Variants in KCNAB1 observed in about 807,000 individuals in gnomAD.
KCNAB1 encodes voltage-gated potassium channel subunit beta-1.
In KCNAB1, 35 loss-of-function variants were observed where a neutral mutation model predicts 64.6. That is an observed-to-expected ratio of 0.54 (90% CI 0.41 to 0.72). KCNAB1 has a LOEUF of 0.72. Ranked by LOEUF, KCNAB1 falls within the 30% of genes least tolerant of loss-of-function variation. The pLI is 0.00. For missense variants in KCNAB1, 401 were observed against 512.9 expected (o/e 0.78, Z 2.11); for synonymous variants, 177 against 183.8 (o/e 0.96, Z 0.30).
intron 11 of KCNAB1, among the ~76,000 whole-genome samples, chr3:156,520,350 G>A (rs1302678190): frequency 6.6e-6 from 1 of 152,150 alleles, no homozygotes; most frequent in Non-Finnish European, 1.5e-5. Context: ...GGAGGTGGAG[G>A]TGGGCAGATC....
intron 7 of KCNAB1, among the ~76,000 whole-genome samples, chr3:156,469,334 G>A (rs1454205241): frequency 7.4e-6 from 1 of 135,022 alleles, no homozygotes; most frequent in Non-Finnish European, 1.5e-5. Context: ...TCGGCTCACT[G>A]CAACCTCCGC....
intron 8 of KCNAB1, among the ~76,000 whole-genome samples, chr3:156,504,362 G>A (rs1225181735): frequency 2.6e-5 from 4 of 152,104 alleles, no homozygotes; most frequent in South Asian, 2.1e-4. Flanking sequence ...GAATTGTGCC[G>A]AAATAAACAT....
At chr3:156,448,543 C>T (rs1711755638) in intron 2 of KCNAB1, among the ~76,000 whole-genome samples, 1 of 152,154 alleles carries the variant, frequency 6.6e-6, no homozygotes, top group South Asian at 2.1e-4. Context: ...GTGGACCCCA[C>T]CTACACTGGG....
At chr3:156,174,987 T>C (rs1338088626) in intron 1 of KCNAB1, among the ~76,000 whole-genome samples, 1 of 152,218 alleles carries the variant, frequency 6.6e-6, no homozygotes, top group African/African-American at 2.4e-5. Flanking sequence ...CAATATTTAT[T>C]TATTTACCTA....
chr3:156,449,447 G>C (rs1711830959), intron 2 of KCNAB1, among the ~76,000 whole-genome samples: 1 of 152,092 alleles, frequency 6.6e-6, no homozygotes, highest in South Asian at 2.1e-4. Flanking sequence ...ACTGTAAATG[G>C]TTCTTATATC....
chr3:156,225,745 A>T (rs1009252108), intron 1 of KCNAB1, among the ~76,000 whole-genome samples: 1 of 152,216 alleles, frequency 6.6e-6, no homozygotes, highest in African/African-American at 2.4e-5. Context: ...AAATTAATGC[A>T]CACAAATCAG....
intron 8 of KCNAB1, among the ~76,000 whole-genome samples, chr3:156,489,522 G>C (rs1715486243): frequency 6.6e-6 from 1 of 152,106 alleles, no homozygotes; most frequent in Non-Finnish European, 1.5e-5. Context: ...TTCTGGTGAA[G>C]TAAGAAGGGA....
At position 156,452,878 on chromosome 3, in the gene KCNAB1, C is replaced by G. The variant is rs1188043631; in HGVS notation, c.320-21C>G. Reference sequence around the variant, plus strand: ...TAGAAAAATGATGATGAATAATATGCAAATATTTATTATTTTCTAGGAACA... The same window carrying G: ...TAGAAAAATGATGATGAATAATATGGAAATATTTATTATTTTCTAGGAACA... On this transcript the variant is annotated intron_variant, in intron 2 of 13. Transcript: ENST00000490337. This position sits in a 1 kb window ranked among gnomAD's most constrained non-coding sequence, Gnocchi z 4.6. The G allele has an allele frequency of 6.4e-7, 1 of 1,551,424 alleles. No individual in the cohort carries two copies. Among genetic ancestry groups the G allele is most frequent in the Non-Finnish European group, 8.8e-7 (1 of 1,133,348 alleles).
chr3:156,322,383 A>G (rs1234691005), intron 1 of KCNAB1, among the ~76,000 whole-genome samples: 2 of 152,228 alleles, frequency 1.3e-5, no homozygotes. Flanking sequence ...CAGTTTGAAA[A>G]TATCTGGGAA....
chr3:156,364,998 T>A (rs1022567980), intron 1 of KCNAB1, among the ~76,000 whole-genome samples: 3 of 152,096 alleles, frequency 2.0e-5, no homozygotes, highest in African/African-American at 7.2e-5. Context: ...CCGTTACTAG[T>A]GAAGATGTGG....
At chr3:156,224,052 C>T (rs1715981933) in intron 1 of KCNAB1, among the ~76,000 whole-genome samples, 1 of 152,202 alleles carries the variant, frequency 6.6e-6, no homozygotes, top group African/African-American at 2.4e-5. Flanking sequence ...GGCTGCATGT[C>T]CTGAGCCCTG....
chr3:156,227,897 C>T (rs977202565), intron 1 of KCNAB1: 9 of 152,212 alleles, frequency 5.9e-5, no homozygotes, highest in African/African-American at 1.9e-4. Flanking sequence ...TCTGCCATGT[C>T]ATCAATACAA....
intron 2 of KCNAB1, among the ~76,000 whole-genome samples, chr3:156,433,807 C>T (rs1163242444): frequency 6.6e-6 from 1 of 152,174 alleles, no homozygotes; most frequent in Admixed American, 6.5e-5. Flanking sequence ...CCTGAACATT[C>T]AAGTCTGGGC....
chr3:156,409,362 A>G (rs113048337), intron 1 of KCNAB1, among the ~76,000 whole-genome samples: 8 of 152,244 alleles, frequency 5.3e-5, no homozygotes, highest in Admixed American at 4.6e-4. Flanking sequence ...ATAGGATTCT[A>G]TAGTTGCCAT....
At chr3:156,359,473 G>A (rs1199464755) in intron 1 of KCNAB1, among the ~76,000 whole-genome samples, 2 of 152,174 alleles carry the variant, frequency 1.3e-5, no homozygotes, top group African/African-American at 4.8e-5. Flanking sequence ...GAAGGCCTAT[G>A]ACTAAGCAAT....
intron 1 of KCNAB1, among the ~76,000 whole-genome samples, chr3:156,352,575 G>T (rs1247169112): frequency 2.6e-5 from 4 of 152,154 alleles, no homozygotes; most frequent in Non-Finnish European, 5.9e-5. Flanking sequence ...TACTTTAATG[G>T]CAGGAACCTT....
intron 13 of KCNAB1, among the ~76,000 whole-genome samples, chr3:156,535,087 C>A (rs775646481): frequency 2.0e-5 from 3 of 151,928 alleles, no homozygotes; most frequent in Admixed American, 2.0e-4. Context: ...TTAAATAACA[C>A]ATTAGCTGTT....
chr3:156,361,024 G>T (rs185431688), intron 1 of KCNAB1, among the ~76,000 whole-genome samples: 1 of 152,222 alleles, frequency 6.6e-6, no homozygotes, highest in East Asian at 1.9e-4. Context: ...TCACATCACT[G>T]CTCTGTGTAA....
chr3:156,257,398 T>A (rs1014025664), intron 1 of KCNAB1, among the ~76,000 whole-genome samples: 1 of 152,152 alleles, frequency 6.6e-6, no homozygotes. Context: ...AAATTTCTCC[T>A]TTAAAAAGAG....
Sources: gnomAD v4.1 joint callset for allele counts (sites outside exome capture counted in the v4.1 genomes callset) on GRCh38, gnomAD v4.1.1 for gene constraint, Gnocchi (gnomAD v3.1) non-coding constraint, MANE v1.5 for transcripts, NCBI Gene and HGNC (gene_info 2026-07-23, HGNC 2026-07-21) for gene names.